The following SGCD variants were observed in gnomAD, a reference collection of about 807,000 sequenced individuals.
SGCD encodes delta-sarcoglycan.
A neutral mutation model predicts 36.6 loss-of-function variants in SGCD; 18 were observed. The ratio of observed to expected loss-of-function variants is 0.49; its 90% CI spans 0.34 to 0.73. The LOEUF (loss-of-function observed/expected upper bound fraction) is 0.73, where lower values mean the gene tolerates loss of function less well. Ranked by LOEUF, SGCD falls within the 30% of genes least tolerant of loss-of-function variation. SGCD has a pLI of 0.01. For synonymous variants in SGCD, 133 were observed against 130.6 expected (o/e 1.02, Z -0.12); for missense variants, 387 against 346.7 (o/e 1.12, Z -0.92).
intron 1 of SGCD, among the ~76,000 whole-genome samples, chr5:156,018,398 C>A (rs1326168811): frequency 6.6e-6 from 1 of 152,084 alleles, no homozygotes; most frequent in Non-Finnish European, 1.5e-5. Context: ...AAAAGTACAG[C>A]ATGTGTTTAG....
At chr5:156,482,159 T>G (rs1755459184) in intron 3 of SGCD, among the ~76,000 whole-genome samples, 1 of 152,024 alleles carries the variant, frequency 6.6e-6, no homozygotes, top group African/African-American at 2.4e-5. Flanking sequence ...AGGGATTAGG[T>G]GTTGGATTCT....
chr5:156,445,796 T>TCA (rs143094759), intron 3 of SGCD, among the ~76,000 whole-genome samples: 90 of 151,378 alleles, frequency 5.9e-4, no homozygotes, highest in African/African-American at 1.9e-3. Flanking sequence ...CCCCAAAATA[T>TCA]CACACACACA....
chr5:156,753,736 A>G (rs1156622142), intron 7 of SGCD, among the ~76,000 whole-genome samples: 2 of 152,064 alleles, frequency 1.3e-5, no homozygotes, highest in African/African-American at 4.8e-5. Context: ...CTCTTATAAA[A>G]CCATCAGATC....
chr5:156,587,160 G>A (rs1368752111), intron 4 of SGCD, among the ~76,000 whole-genome samples: 1 of 152,198 alleles, frequency 6.6e-6, no homozygotes, highest in African/African-American at 2.4e-5. Flanking sequence ...GATAGAAACA[G>A]TGCTGCTGTG....
At chr5:156,101,367 A>G (rs1405698741) in intron 1 of SGCD, among the ~76,000 whole-genome samples, 1 of 152,192 alleles carries the variant, frequency 6.6e-6, no homozygotes, top group African/African-American at 2.4e-5. Flanking sequence ...GTGAAATGTC[A>G]TATTTCTTGT....
intron 3 of SGCD, among the ~76,000 whole-genome samples, chr5:156,183,470 C>T (rs1473709671): frequency 2.0e-5 from 3 of 152,178 alleles, no homozygotes; most frequent in South Asian, 2.1e-4. Flanking sequence ...TGCAGTGGTA[C>T]GATCTCAGTT....
At chr5:156,718,821 AT>A (rs1227519764) in intron 7 of SGCD, among the ~76,000 whole-genome samples, 26 of 146,902 alleles carry the variant, frequency 1.8e-4, no homozygotes, top group African/African-American at 5.9e-4. Flanking sequence ...AAAAAAAAAA[AT>A]GAAAGAAAAA....
At chr5:155,806,278 C>T in the SGCD span, among the ~76,000 whole-genome samples, 109 of 152,242 alleles carry the variant, frequency 7.2e-4, no homozygotes, top group Middle Eastern at 3.4e-3. Flanking sequence ...CCTTAGCCTC[C>T]CAAGTAGCTG....
At chr5:156,305,590 C>T (rs775158524) in intron 3 of SGCD, among the ~76,000 whole-genome samples, 3 of 152,172 alleles carry the variant, frequency 2.0e-5, no homozygotes, top group Admixed American at 1.3e-4. Flanking sequence ...AGAGCCCCCA[C>T]ACAGAGGCCC....
chr5:156,257,040 C>T (rs1167953371), intron 3 of SGCD, among the ~76,000 whole-genome samples: 1 of 151,926 alleles, frequency 6.6e-6, no homozygotes, highest in African/African-American at 2.4e-5. Context: ...ATTAGCCAGG[C>T]ATGGTGGCAT....
chr5:155,777,354 TTTTTTG>T, the SGCD span, among the ~76,000 whole-genome samples: 390 of 100,176 alleles, frequency 3.9e-3, 7 homozygotes, highest in African/African-American at 0.014. Context: ...AATTTGTAGT[TTTTTTG>T]TTTTTTTTTT....
At chr5:155,839,378 G>A in the SGCD span, among the ~76,000 whole-genome samples, 101 of 152,236 alleles carry the variant, frequency 6.6e-4, 1 homozygote, top group South Asian at 4.6e-3. Flanking sequence ...AATGATTTGT[G>A]GGGCAGTCAT....
chr5:156,146,212 C>G (rs1762708221), intron 3 of SGCD, among the ~76,000 whole-genome samples: 1 of 152,052 alleles, frequency 6.6e-6, no homozygotes, highest in Admixed American at 6.5e-5. Flanking sequence ...GACTCCATCT[C>G]TAAAAAACAA....
chr5:155,980,126 A>G (rs1166063694), intron 1 of SGCD, among the ~76,000 whole-genome samples: 1 of 152,132 alleles, frequency 6.6e-6, no homozygotes, highest in Non-Finnish European at 1.5e-5. Context: ...GAAGCCAACC[A>G]TGTTGGGACC....
At chr5:156,271,760 T>C (rs1400145486) in intron 3 of SGCD, among the ~76,000 whole-genome samples, 2 of 152,122 alleles carry the variant, frequency 1.3e-5, no homozygotes, top group African/African-American at 4.8e-5. Context: ...GGATTTGTGC[T>C]CTCCCCTTGC....
chr5:156,434,622 A>T (rs1357463408), intron 3 of SGCD, among the ~76,000 whole-genome samples: 1 of 152,184 alleles, frequency 6.6e-6, no homozygotes, highest in Non-Finnish European at 1.5e-5. Flanking sequence ...GGCAGGGTAG[A>T]TTCAGGGTGG....
At chr5:156,334,511 T>C (rs1768225596) in intron 2 of SGCD, among the ~76,000 whole-genome samples, 1 of 152,174 alleles carries the variant, frequency 6.6e-6, no homozygotes, top group Non-Finnish European at 1.5e-5. Flanking sequence ...GTCAAGTCTT[T>C]GTTCAACTAT....
chr5:156,631,211 G>T (rs1762618257), intron 6 of SGCD, among the ~76,000 whole-genome samples: 1 of 152,028 alleles, frequency 6.6e-6, no homozygotes, highest in Non-Finnish European at 1.5e-5. Flanking sequence ...TTATTTCCTT[G>T]TATACACAGT....
the SGCD span, among the ~76,000 whole-genome samples, chr5:155,856,842 A>G: frequency 1.3e-5 from 2 of 152,358 alleles, no homozygotes; most frequent in Non-Finnish European, 2.9e-5. Flanking sequence ...AAGAAGAACC[A>G]TAACAATTAT....
Sources: allele counts gnomAD v4.1 joint callset (sites outside exome capture counted in the v4.1 genomes callset), GRCh38; gene constraint gnomAD v4.1.1; transcripts MANE v1.5; gene names NCBI Gene and HGNC (gene_info 2026-07-23, HGNC 2026-07-21).